The following FAAH2 variants were observed in gnomAD, a reference collection of about 807,000 sequenced individuals.
FAAH2 encodes the protein fatty acid amide hydrolase 2.
Under a neutral mutation model 36.9 loss-of-function variants are expected in FAAH2, and 60 were observed. The ratio of observed to expected loss-of-function variants is 1.63; its 90% confidence interval spans 1.32 to 2.02. The LOEUF is 2.02. FAAH2 is among the 30% of genes most tolerant of loss of function. The pLI is 0.00. For synonymous variants in FAAH2, 214 were observed against 143.8 expected (o/e 1.49, Z -3.49); for missense variants, 689 against 397.5 (o/e 1.73, Z -6.23).
At chrX:57,399,915 T>C (rs186320300) in intron 7 of FAAH2, among the ~76,000 whole-genome samples, 13 of 112,154 alleles carry the variant, frequency 1.2e-4, no homozygotes, top group African/African-American at 3.9e-4. Context: ...AGTATTCCAT[T>C]ATCACTGACC....
intron 7 of FAAH2, among the ~76,000 whole-genome samples, chrX:57,401,997 G>A (rs1169680463): frequency 3.6e-5 from 4 of 111,379 alleles, no homozygotes; most frequent in Non-Finnish European, 7.6e-5. Flanking sequence ...CCCTTGGATA[G>A]TGACAGATCT....
At chrX:57,291,476 T>G (rs963466758) in intron 1 of FAAH2, among the ~76,000 whole-genome samples, 1 of 112,316 alleles carries the variant, frequency 8.9e-6, no homozygotes, top group African/African-American at 3.2e-5. Flanking sequence ...TCCAGATGAA[T>G]TTCATATAAA....
the FAAH2 span, among the ~76,000 whole-genome samples, chrX:57,151,577 C>T: frequency 8.9e-6 from 1 of 111,934 alleles, no homozygotes; most frequent in Non-Finnish European, 1.9e-5. Flanking sequence ...CTGCATTGTT[C>T]ATGTAGTTCT....
intron 5 of FAAH2, among the ~76,000 whole-genome samples, chrX:57,376,278 C>A (rs879250487): frequency 9.0e-6 from 1 of 110,974 alleles, no homozygotes; most frequent in Non-Finnish European, 1.9e-5. Context: ...TAAATATGTG[C>A]AGAACATGCA....
chrX:57,165,006 A>C, the FAAH2 span, among the ~76,000 whole-genome samples: 1 of 112,477 alleles, frequency 8.9e-6, no homozygotes, highest in Non-Finnish European at 1.9e-5. Context: ...TGTAGATAAA[A>C]TGGAAATAAA....
At chrX:57,325,323 G>C (rs1257913718) in intron 3 of FAAH2, among the ~76,000 whole-genome samples, 2 of 111,248 alleles carry the variant, frequency 1.8e-5, no homozygotes, top group Non-Finnish European at 3.8e-5. Flanking sequence ...GTCTCTGCCA[G>C]GCTTTGGTAT....
intron 5 of FAAH2, among the ~76,000 whole-genome samples, chrX:57,353,466 A>G (rs764990804): frequency 1.1e-5 from 1 of 94,325 alleles, no homozygotes; most frequent in Non-Finnish European, 2.1e-5. Context: ...TTAAAAACCT[A>G]AACAGAAGAC....
chrX:57,121,938 T>G, the FAAH2 span: 1 of 109,274 alleles, frequency 9.2e-6, no homozygotes, highest in Admixed American at 9.9e-5. Context: ...TTTGAAAGGA[T>G]TTGGAGTTGG....
At chrX:57,278,488 C>T in the FAAH2 span, among the ~76,000 whole-genome samples, 1 of 111,413 alleles carries the variant, frequency 9.0e-6, no homozygotes, top group South Asian at 3.7e-4. Flanking sequence ...GAAGAAAAAA[C>T]CTAGGCAATA....
At chrX:57,353,455 A>G (rs73224047) in intron 5 of FAAH2, among the ~76,000 whole-genome samples, 3,469 of 102,556 alleles carry the variant, frequency 0.034, 65 homozygotes, top group Non-Finnish European at 0.052. Flanking sequence ...CTCAAAATTA[A>G]TTAAAAACCT....
the FAAH2 span, among the ~76,000 whole-genome samples, chrX:57,244,736 A>G: frequency 3.6e-5 from 4 of 111,959 alleles, no homozygotes; most frequent in Admixed American, 2.8e-4. Context: ...GAAGCCCTAA[A>G]CATGAAAAGG....
chrX:57,318,590 G>A (rs763801659), intron 3 of FAAH2, among the ~76,000 whole-genome samples: 19 of 111,614 alleles, frequency 1.7e-4, no homozygotes, highest in Non-Finnish European at 3.2e-4. Context: ...TCTACCAGAG[G>A]TACAAAGAGG....
chrX:57,173,806 T>C, the FAAH2 span, among the ~76,000 whole-genome samples: 3 of 112,063 alleles, frequency 2.7e-5, no homozygotes, highest in East Asian at 8.3e-4. Flanking sequence ...GAATGTTTTT[T>C]TCTTATTTAT....
At chrX:57,394,155 G>A (rs1169892550) in intron 7 of FAAH2, 2 of 660,405 alleles carry the variant, frequency 3.0e-6, no homozygotes, top group Admixed American at 4.5e-5. Flanking sequence ...GGAATGACCT[G>A]GGAGTAGCCG....
the FAAH2 span, among the ~76,000 whole-genome samples, chrX:57,162,309 C>G: frequency 9.0e-6 from 1 of 111,492 alleles, no homozygotes; most frequent in South Asian, 3.8e-4. Flanking sequence ...TCCTTCATTT[C>G]AACTTTGGTG....
At chrX:57,224,273 A>G in the FAAH2 span, among the ~76,000 whole-genome samples, 1 of 111,801 alleles carries the variant, frequency 8.9e-6, no homozygotes, top group Non-Finnish European at 1.9e-5. Flanking sequence ...CAGACAATCC[A>G]GATGATGCTT....
the FAAH2 span, among the ~76,000 whole-genome samples, chrX:57,123,177 A>T: frequency 1.8e-5 from 2 of 110,164 alleles, no homozygotes; most frequent in Admixed American, 1.9e-4. Flanking sequence ...AAGAGGCCCC[A>T]TTGTGTGATG....
chrX:57,162,005 T>G, the FAAH2 span, among the ~76,000 whole-genome samples: 8 of 112,268 alleles, frequency 7.1e-5, no homozygotes, highest in Non-Finnish European at 1.3e-4. Context: ...GTACCGGTTG[T>G]TCCTTTCCAT....
intron 5 of FAAH2, among the ~76,000 whole-genome samples, chrX:57,362,744 C>G: frequency 8.9e-6 from 1 of 112,065 alleles, no homozygotes; most frequent in South Asian, 3.7e-4. Flanking sequence ...TTACATATGT[C>G]TAATCAATCT....
Sources: gnomAD v4.1 joint callset for allele counts (sites outside exome capture counted in the v4.1 genomes callset) on GRCh38, gnomAD v4.1.1 for gene constraint, MANE v1.5 for transcripts, NCBI Gene and HGNC (gene_info 2026-07-23, HGNC 2026-07-21) for gene names.